Variants in TRAF3 observed in about 807,000 individuals in gnomAD.
The protein encoded by TRAF3 is TNF receptor associated factor 3, also known as TNF receptor-associated factor 3.
A neutral mutation model predicts 62.3 loss-of-function variants in TRAF3; 13 were observed. The ratio of observed to expected loss-of-function variants is 0.21; its 90% CI spans 0.14 to 0.33. The LOEUF (loss-of-function observed/expected upper bound fraction) is 0.33. TRAF3 is among the 10% of genes least tolerant of loss of function. The pLI is 1.00. For missense variants in TRAF3, 440 were observed against 741.8 expected (o/e 0.59, Z 4.73); for synonymous variants, 269 against 283.4 (o/e 0.95, Z 0.51).
At chr14:102,851,641 G>A (rs1887045168) in intron 2 of TRAF3, among the ~76,000 whole-genome samples, 1 of 152,260 alleles carries the variant, frequency 6.6e-6, no homozygotes, top group Admixed American at 6.5e-5. Flanking sequence ...CTACTCAGGA[G>A]GCTGAGGCAG....
At chr14:102,824,708 C>T (rs911333671) in intron 1 of TRAF3, among the ~76,000 whole-genome samples, 4 of 152,228 alleles carry the variant, frequency 2.6e-5, no homozygotes, top group African/African-American at 4.8e-5. Context: ...ATGATGTTAG[C>T]TAGTCTGCCT....
intron 2 of TRAF3, among the ~76,000 whole-genome samples, chr14:102,861,724 A>G (rs1196479869): frequency 6.6e-6 from 1 of 152,222 alleles, no homozygotes; most frequent in African/African-American, 2.4e-5. Flanking sequence ...AGTGAAAGCA[A>G]GTTTATTATA....
At chr14:102,886,698 C>T (rs2139920131) in intron 7 of TRAF3, among the ~76,000 whole-genome samples, 1 of 151,598 alleles carries the variant, frequency 6.6e-6, no homozygotes, top group South Asian at 2.1e-4. Context: ...GGAGGTTGAA[C>T]AGAGCCGAGA....
At chr14:102,802,280 G>A (rs1350771398) in intron 1 of TRAF3, among the ~76,000 whole-genome samples, 4 of 142,202 alleles carry the variant, frequency 2.8e-5, no homozygotes, top group Non-Finnish European at 4.6e-5. Context: ...TCAGCCTCCC[G>A]AGTAGTTGGG....
chr14:102,818,661 C>T (rs894895771), intron 1 of TRAF3, among the ~76,000 whole-genome samples: 8 of 152,334 alleles, frequency 5.3e-5, no homozygotes, highest in South Asian at 2.1e-4. Context: ...TTCTACTCTA[C>T]GCTTCTTCAC....
intron 1 of TRAF3, among the ~76,000 whole-genome samples, chr14:102,783,190 G>A (rs1319157954): frequency 1.3e-5 from 2 of 152,204 alleles, no homozygotes; most frequent in Non-Finnish European, 2.9e-5. Context: ...GTGGTTCCAT[G>A]TGTTTGGAAT....
In TRAF3 at chr14:102,806,652, C is replaced by G. The variant is rs536385862; in HGVS notation, c.-156-23682C>G. On this transcript the variant is annotated intron_variant, in intron 1 of 11. Coordinates refer to ENST00000392745, the MANE Select transcript of TRAF3 (RefSeq NM_145725.3). Reference sequence around the variant, plus strand: ...TGGCAGGAAATGATATGGGCAGCTCCCTGTAGTCATGAGGCCTGTGTTCTA... The same window carrying G: ...TGGCAGGAAATGATATGGGCAGCTCGCTGTAGTCATGAGGCCTGTGTTCTA... 5.9e-5 allele frequency among the ~76,000 whole-genome samples: 9 copies of G among 152,216 alleles called. No homozygotes were observed. In the East Asian group the frequency reaches 1.2e-3, roughly 20 times the overall value.
chr14:102,844,376 C>T (rs528131511), intron 2 of TRAF3, among the ~76,000 whole-genome samples: 9 of 152,348 alleles, frequency 5.9e-5, no homozygotes, highest in African/African-American at 1.7e-4. Context: ...TCCCCAGCAT[C>T]CTCCTTCATG....
chr14:102,892,928 A>T (rs1451544702), intron 9 of TRAF3, among the ~76,000 whole-genome samples: 1 of 152,230 alleles, frequency 6.6e-6, no homozygotes. Flanking sequence ...AGCATAGAGC[A>T]TCTGCTCTGA....
intron 1 of TRAF3, among the ~76,000 whole-genome samples, chr14:102,809,957 A>G (rs1794371633): frequency 1.3e-5 from 2 of 152,210 alleles, no homozygotes; most frequent in African/African-American, 4.8e-5. Flanking sequence ...TGCATTACCA[A>G]AAACGTTGGA....
chr14:102,843,767 C>T (rs1017064183), intron 2 of TRAF3, among the ~76,000 whole-genome samples: 3 of 151,966 alleles, frequency 2.0e-5, no homozygotes, highest in Non-Finnish European at 4.4e-5. Flanking sequence ...ATGATCACAC[C>T]ACTGTACTCC....
At chr14:102,889,499 T>A (rs1028845670) in intron 7 of TRAF3, 61 bp from the exon 8 acceptor site, 79 of 1,542,014 alleles carry the variant, frequency 5.1e-5, no homozygotes, top group Middle Eastern at 1.7e-4. Flanking sequence ...TGTGCCCTAA[T>A]ATGTTTGAAC....
intron 1 of TRAF3, among the ~76,000 whole-genome samples, chr14:102,789,489 C>T (rs540801168): frequency 6.6e-6 from 1 of 152,034 alleles, no homozygotes; most frequent in African/African-American, 2.4e-5. Flanking sequence ...GTTTCTTTTT[C>T]ATGTCATATG....
intron 1 of TRAF3, among the ~76,000 whole-genome samples, chr14:102,778,130 GA>G (rs1486056257): frequency 6.6e-6 from 1 of 150,780 alleles, no homozygotes; most frequent in East Asian, 2.0e-4. Flanking sequence ...GGCGTTATTG[GA>G]AAGTTGGTCC....
rs1025282249 is a variant in TRAF3, at chr14:102,875,571, A to C, written c.298-53A>C. On this transcript the variant is annotated intron_variant, in intron 4 of 11. Transcript: ENST00000392745. ...GTTTTGCCTTGTCCAAAGTAGCAGC[A>C]TGTGGAGATTAAGAAATATTAATCC... The C allele has an allele frequency of 3.3e-6, 5 of 1,494,438 alleles. No individual in the cohort carries two copies. In the African/African-American group the frequency reaches 4.2e-5, roughly 12 times the overall value. 92.6% of individuals were successfully genotyped at this position (1,494,438 alleles called of 1,614,324 possible). A position where few individuals can be genotyped will look rare whatever the true frequency, so the allele number is the denominator to read the frequency against.
chr14:102,781,921 T>A (rs548340220), intron 1 of TRAF3, among the ~76,000 whole-genome samples: 27 of 151,948 alleles, frequency 1.8e-4, no homozygotes, highest in Admixed American at 7.9e-4. Context: ...GCCTCCTGAG[T>A]AGCTGGGGAC....
chr14:102,800,805 C>T (rs899052314), intron 1 of TRAF3, among the ~76,000 whole-genome samples: 3 of 150,522 alleles, frequency 2.0e-5, no homozygotes, highest in Admixed American at 2.0e-4. Flanking sequence ...AAGAGATCTT[C>T]CCACCTCAGC....
intron 1 of TRAF3, among the ~76,000 whole-genome samples, chr14:102,809,637 A>T (rs571478896): frequency 1.4e-5 from 2 of 142,526 alleles, no homozygotes; most frequent in African/African-American, 5.3e-5. Context: ...GGTTCATGCT[A>T]TTCTCCTGTC....
intron 2 of TRAF3, among the ~76,000 whole-genome samples, chr14:102,867,217 G>A (rs1453800099): frequency 6.6e-6 from 1 of 152,168 alleles, no homozygotes; most frequent in African/African-American, 2.4e-5. Context: ...TCCAGAGCAA[G>A]GACTGGTAAA....
Sources: allele counts gnomAD v4.1 joint callset (sites outside exome capture counted in the v4.1 genomes callset), GRCh38; gene constraint gnomAD v4.1.1; transcripts MANE v1.5; gene names NCBI Gene and HGNC (gene_info 2026-07-23, HGNC 2026-07-21).